ROBO1: variants seen among roughly 807,000 people sequenced by gnomAD.
ROBO1 encodes the protein roundabout guidance receptor 1.
Under a neutral mutation model 195.9 loss-of-function variants are expected in ROBO1, and 149 were observed. The ratio of observed to expected loss-of-function variants is 0.76; its 90% CI spans 0.67 to 0.87. The LOEUF is 0.87. Among genes scored for constraint, ROBO1 ranks in the 40% least tolerant of loss-of-function variants. ROBO1 has a pLI of 0.00. For synonymous variants in ROBO1, 816 were observed against 733.2 expected (o/e 1.11, Z -1.82); for missense variants, 1,933 against 2,068.3 (o/e 0.93, Z 1.27).
chr3:79,503,747 T>C (rs1038110033), intron 2 of ROBO1, among the ~76,000 whole-genome samples: 2 of 152,210 alleles, frequency 1.3e-5, no homozygotes, highest in African/African-American at 4.8e-5. Flanking sequence ...AAAATGATGA[T>C]AAATGGAACC....
intron 29 of ROBO1, among the ~76,000 whole-genome samples, chr3:78,600,528 T>C (rs1003998021): frequency 2.0e-5 from 3 of 152,166 alleles, no homozygotes; most frequent in Admixed American, 1.3e-4. Flanking sequence ...GGGATTTGGA[T>C]TGATTCCACT....
intron 2 of ROBO1, among the ~76,000 whole-genome samples, chr3:79,353,686 A>C (rs533507963): frequency 1.3e-5 from 2 of 152,286 alleles, no homozygotes; most frequent in South Asian, 4.1e-4. Context: ...TAGAACTTTT[A>C]ATCAGAGGGC....
At position 78,704,885 on chromosome 3, in the gene ROBO1, G is replaced by A. The variant is rs1472353894; in HGVS notation, c.1045+9512C>T. 2.6e-5 allele frequency among the ~76,000 whole-genome samples: 4 copies of A among 152,058 alleles called. No homozygotes were observed. In the East Asian group the frequency reaches 7.7e-4, roughly 29 times the overall value. On this transcript the variant is annotated intron_variant, in intron 8 of 30. Coordinates refer to ENST00000464233, the MANE Select transcript of ROBO1 (RefSeq NM_002941.4). ...TCACACAGTATGTTACATTAAGATT[G>A]GCATGTATCTTGATTATTTTCAAAG...
chr3:79,394,634 C>T (rs1364492841), intron 2 of ROBO1, among the ~76,000 whole-genome samples: 1 of 151,938 alleles, frequency 6.6e-6, no homozygotes, highest in Non-Finnish European at 1.5e-5. Flanking sequence ...ATTCCATATG[C>T]ATTTTTTATA....
chr3:79,315,227 A>G (rs1173276223), intron 2 of ROBO1, among the ~76,000 whole-genome samples: 1 of 152,164 alleles, frequency 6.6e-6, no homozygotes. Context: ...GGATCCCTTG[A>G]GGCCAGGAGT....
At chr3:79,495,630 A>G (rs1441442897) in intron 2 of ROBO1, among the ~76,000 whole-genome samples, 1 of 152,140 alleles carries the variant, frequency 6.6e-6, no homozygotes, top group African/African-American at 2.4e-5. Context: ...TCTGCCATTC[A>G]TTGTTGAGAG....
intron 4 of ROBO1, chr3:78,938,085 T>A (rs776123481): frequency 6.4e-5 from 10 of 156,974 alleles, no homozygotes; most frequent in Non-Finnish European, 1.3e-4. Flanking sequence ...ATGGGAGTTT[T>A]GATCTGCTCC....
intron 4 of ROBO1, among the ~76,000 whole-genome samples, chr3:78,909,312 A>C (rs1029225740): frequency 1.3e-5 from 2 of 151,880 alleles, no homozygotes; most frequent in African/African-American, 2.4e-5. Context: ...ATATATATAC[A>C]ATAATAATTT....
intron 2 of ROBO1, among the ~76,000 whole-genome samples, chr3:79,195,184 T>C (rs2081612009): frequency 1.3e-5 from 2 of 151,526 alleles, no homozygotes; most frequent in African/African-American, 4.8e-5. Context: ...AGTACTGTCA[T>C]AAGAAAAATG....
intron 21 of ROBO1, among the ~76,000 whole-genome samples, chr3:78,644,772 A>C (rs567897487): frequency 7.9e-5 from 12 of 151,626 alleles, no homozygotes; most frequent in Non-Finnish European, 1.5e-4. Flanking sequence ...AGTAGGAACC[A>C]AGCTTATTTT....
At chr3:79,514,190 C>G (rs1940845418) in intron 2 of ROBO1, among the ~76,000 whole-genome samples, 1 of 152,106 alleles carries the variant, frequency 6.6e-6, no homozygotes. Context: ...GGACCACATT[C>G]ACAGAGAAAA....
At chr3:79,180,752 G>C (rs1159338364) in intron 2 of ROBO1, among the ~76,000 whole-genome samples, 4 of 152,146 alleles carry the variant, frequency 2.6e-5, no homozygotes, top group African/African-American at 9.7e-5. Flanking sequence ...GTGTTATGAT[G>C]GGTCATGACT....
intron 4 of ROBO1, among the ~76,000 whole-genome samples, chr3:78,875,989 G>C (rs559496371): frequency 9.9e-5 from 15 of 152,072 alleles, no homozygotes; most frequent in African/African-American, 3.4e-4. Flanking sequence ...ACTTAATGAA[G>C]ATTCACCAAT....
In ROBO1 at chr3:78,654,260, T is replaced by C. The variant is rs74826687; in HGVS notation, c.2615-2331A>G. 7.5e-3 allele frequency among the ~76,000 whole-genome samples: 1,147 copies of C among 152,254 alleles called. 12 individuals are homozygous for C. Among genetic ancestry groups the C allele is most frequent in the African/African-American group, 0.026 (1,089 of 41,558 alleles). ...TGCAAAATGGCTAAATTCCTTCTCA[T>C]GTTGTATGAGTGTGTGTGGTTTTTC... On this transcript the variant is annotated intron_variant, in intron 18 of 30. Coordinates refer to ENST00000464233, the MANE Select transcript of ROBO1 (RefSeq NM_002941.4).
intron 4 of ROBO1, among the ~76,000 whole-genome samples, chr3:78,834,447 C>T (rs759992333): frequency 1.3e-5 from 2 of 148,792 alleles, no homozygotes; most frequent in Non-Finnish European, 3.0e-5. Flanking sequence ...AATATTAGAG[C>T]AGGCAACTAG....
At chr3:78,711,339 C>CTTT (rs1559772530) in intron 8 of ROBO1, among the ~76,000 whole-genome samples, 30 of 109,026 alleles carry the variant, frequency 2.8e-4, no homozygotes, top group African/African-American at 1.2e-3. Flanking sequence ...TTCCTTCCTT[C>CTTT]CTTCCTTCCT....
rs531340562 is a variant in ROBO1, at chr3:78,617,735, G to T, written c.4182C>A (p.Asp1394Glu). ...AGTCAGCATCAGTGAAAAAGGAGCC[G>T]TCCGAAGAACTAACACTGGAGCGTC... ...SSGRSSVSSS[D>E]GSFFTDADFA... Residue 1394 changes from aspartate to glutamate, a missense_variant, in exon 27 of 31, where the codon GAC (aspartate) becomes GAA (glutamate). By Grantham distance (45) the Asp-to-Glu change is conservative. Coordinates refer to ENST00000464233, the MANE Select transcript of ROBO1 (RefSeq NM_002941.4). 25 of 1,613,904 alleles carry T rather than the reference G, an allele frequency of 1.5e-5. No individual in the cohort carries two copies. Among genetic ancestry groups the T allele is most frequent in the Non-Finnish European group, 1.9e-5 (23 of 1,179,856 alleles).
chr3:79,641,140 A>G (rs1267547198), intron 1 of ROBO1, among the ~76,000 whole-genome samples: 2 of 152,182 alleles, frequency 1.3e-5, no homozygotes, highest in African/African-American at 4.8e-5. Flanking sequence ...TGGAATGGTG[A>G]GAAATAATTT....
intron 3 of ROBO1, among the ~76,000 whole-genome samples, chr3:78,969,970 T>G (rs2076727085): frequency 6.6e-6 from 1 of 152,140 alleles, no homozygotes; most frequent in Non-Finnish European, 1.5e-5. Context: ...ATTTGAAACT[T>G]TGGCAGTTTT....
Sources: gnomAD v4.1 joint callset for allele counts (sites outside exome capture counted in the v4.1 genomes callset) on GRCh38, gnomAD v4.1.1 for gene constraint, MANE v1.5 for transcripts, NCBI Gene and HGNC (gene_info 2026-07-23, HGNC 2026-07-21) for gene names.